PPP4R3A: variants seen among roughly 807,000 people sequenced by gnomAD.
The protein encoded by PPP4R3A is protein phosphatase 4 regulatory subunit 3A, also known as serine/threonine-protein phosphatase 4 regulatory subunit 3A.
In PPP4R3A, 15 loss-of-function variants were observed where a neutral mutation model predicts 91.7. The observed-to-expected ratio is 0.16, with a 90% CI of 0.11 to 0.25. The LOEUF is 0.25. Ranked by LOEUF, PPP4R3A falls within the 10% of genes least tolerant of loss-of-function variation. The pLI is 1.00. For synonymous variants in PPP4R3A, 377 were observed against 348.7 expected (o/e 1.08, Z -0.91); for missense variants, 623 against 998.4 (o/e 0.62, Z 5.07).
intron 3 of PPP4R3A, among the ~76,000 whole-genome samples, chr14:91,485,270 G>A (rs189258224): frequency 6.6e-6 from 1 of 152,306 alleles, no homozygotes; most frequent in Admixed American, 6.5e-5. Flanking sequence ...GATGATGGAA[G>A]GATAAACAAG....
intron 1 of PPP4R3A, among the ~76,000 whole-genome samples, chr14:91,507,339 A>G (rs953481629): frequency 3.5e-5 from 3 of 86,058 alleles, no homozygotes; most frequent in Admixed American, 1.4e-4. Flanking sequence ...AAATCTATAC[A>G]TATTATATAT....
At chr14:91,489,860 T>C (rs1393691907) in intron 2 of PPP4R3A, among the ~76,000 whole-genome samples, 1 of 152,214 alleles carries the variant, frequency 6.6e-6, no homozygotes, top group Non-Finnish European at 1.5e-5. Flanking sequence ...ACTAAATATA[T>C]TTAGGAGTTG....
intron 1 of PPP4R3A, among the ~76,000 whole-genome samples, chr14:91,491,470 C>T (rs769582142): frequency 8.5e-5 from 13 of 152,088 alleles, no homozygotes; most frequent in Non-Finnish European, 1.8e-4. Context: ...TGCAGTGGCG[C>T]GATCTCGGCT....
chr14:91,481,897 G>A lies in PPP4R3A; in HGVS notation c.594C>T (p.Gly198=). The part of the protein sequence containing the change: ...GLHHLYEIIK[G]IFLLNRTALF... ...GAGCAGTTCGATTCAAGAGAAAGAT[G>A]CCTTTGATAATTTCATACAAGTGGT... The change falls in exon 4 of 15, where the codon GGC becomes GGT. Residue 198 remains glycine, a synonymous_variant. Transcript: ENST00000554943. 2 of 1,614,006 alleles carry A rather than the reference G, an allele frequency of 1.2e-6. No individual in the cohort carries two copies. Among genetic ancestry groups the A allele is most frequent in the Non-Finnish European group, 1.7e-6 (2 of 1,180,004 alleles).
At chr14:91,475,570 C>A (rs1595061653) in intron 7 of PPP4R3A, 1 of 96,738 alleles carries the variant, frequency 1.0e-5, no homozygotes, top group Non-Finnish European at 1.7e-5. Flanking sequence ...AGAATTAAAA[C>A]AAAACAAAAC....
At position 91,507,437 on chromosome 14, in the gene PPP4R3A, A is replaced by ATATATACTATATAGTATATATACTATAAT. The variant is rs1891421938; in HGVS notation, c.142+2040_142+2068dup. Among the ~76,000 whole-genome samples, 3 of 130,478 alleles carry ATATATACTATATAGTATATATACTATAAT rather than the reference A, an allele frequency of 2.3e-5. No homozygotes were observed. The South Asian group carries it at 6.5e-4, about 28-fold the overall frequency. The allele number at this position is 130,478 out of a possible 152,430, so 85.6% of individuals were successfully genotyped here. ...ACTATATAATATATATACTATAATT[A>ATATATACTATATAGTATATATACTATAAT]TATATACTATATAGTATATATACTA... is the stretch of plus-strand genomic sequence containing the variant. On this transcript the variant is annotated intron_variant, in intron 1 of 14. Coordinates refer to ENST00000554943, the MANE Select transcript of PPP4R3A (RefSeq NM_001366432.2).
intron 1 of PPP4R3A, among the ~76,000 whole-genome samples, chr14:91,508,379 A>G (rs1374593243): frequency 6.6e-6 from 1 of 152,182 alleles, no homozygotes; most frequent in African/African-American, 2.4e-5. Flanking sequence ...AGTTCTGGGG[A>G]GAGTCCAATT....
chr14:91,458,942 G>A (rs1219802151), intron 14 of PPP4R3A, 73 bp from the exon 15 acceptor site: 5 of 1,477,978 alleles, frequency 3.4e-6, no homozygotes, highest in Non-Finnish European at 4.5e-6. Flanking sequence ...TCTGGCTGGA[G>A]AAAGAAAATA....
chr14:91,478,727 A>C (rs1319521069), intron 4 of PPP4R3A, among the ~76,000 whole-genome samples: 3 of 140,902 alleles, frequency 2.1e-5, no homozygotes, highest in African/African-American at 7.4e-5. Context: ...TCAGTATTTT[A>C]GTTCATACTT....
chr14:91,488,163 A>T (rs8008997), intron 2 of PPP4R3A, among the ~76,000 whole-genome samples: 74,307 of 151,246 alleles, frequency 0.49, 18,587 homozygotes, highest in Admixed American at 0.53. Context: ...AATAATAGCC[A>T]CTGTACTCCA....
chr14:91,476,444 T>C lies in PPP4R3A; in HGVS notation c.1074A>G (p.Ser358=), dbSNP rs761956108. Residue 358 remains serine (S), a synonymous_variant, in exon 6 of 15, where the codon TCA becomes TCG. Transcript: ENST00000554943. ...CTAAAGCTGGTAATATGCCCATGTT[T>C]GACAAAGTCTTGAAAAAAGCATCTC... ...QNRDAFFKTL[S]NMGILPALEV... 4.3e-6 allele frequency: 7 copies of C among 1,612,166 alleles called. No homozygotes were observed. The Admixed American group carries it at 8.4e-5, about 19-fold the overall frequency.
chr14:91,465,494 C>A, intron 10 of PPP4R3A, 75 bp from the exon 11 acceptor site: 1 of 1,361,400 alleles, frequency 7.3e-7, no homozygotes, highest in Non-Finnish European at 9.7e-7. Flanking sequence ...CAAAAATAAC[C>A]ATCAAACCAA....
At position 91,481,744 on chromosome 14, in the gene PPP4R3A, C is replaced by A. The variant is rs1205835531; in HGVS notation, c.747G>T (p.Val249=). ...FLTKTAKFKE[V]IPISDPELKQ... The stretch of plus-strand genomic sequence containing the variant: ...TCAGCTCAGGATCTGATATGGGAAT[C>A]ACTTCTTTAAACTTGGCTGTTTTTG... Residue 249 remains valine (V), a synonymous_variant, in exon 4 of 15, where the codon GTG becomes GTT. Coordinates refer to ENST00000554943, the MANE Select transcript of PPP4R3A (RefSeq NM_001366432.2). 1.2e-6 allele frequency: 2 copies of A among 1,613,930 alleles called. No homozygotes were observed. The highest frequency in any genetic ancestry group is 1.7e-6 in the Non-Finnish European group (2 of 1,180,018).
intron 1 of PPP4R3A, among the ~76,000 whole-genome samples, chr14:91,494,704 GAC>G (rs1045388983): frequency 6.6e-6 from 1 of 151,974 alleles, no homozygotes; most frequent in African/African-American, 2.4e-5. Flanking sequence ...CTCTACTAAA[GAC>G]ACACAAAAAA....
intron 4 of PPP4R3A, among the ~76,000 whole-genome samples, chr14:91,478,124 G>A (rs1398532830): frequency 2.0e-5 from 3 of 152,180 alleles, no homozygotes; most frequent in Non-Finnish European, 2.9e-5. Context: ...CACTAAGTTA[G>A]TTTGGTTATT....
chr14:91,477,192 T>C (rs1889267174), intron 4 of PPP4R3A, among the ~76,000 whole-genome samples: 1 of 151,460 alleles, frequency 6.6e-6, no homozygotes. Context: ...TAAGCCTATA[T>C]AAAGGCCAGG....
intron 14 of PPP4R3A, 29 bp from the exon 15 acceptor site, chr14:91,458,898 A>T: frequency 6.4e-7 from 1 of 1,557,356 alleles, no homozygotes; most frequent in Non-Finnish European, 8.7e-7. Context: ...TATTTAAAGA[A>T]CAGAAAATAA....
chr14:91,509,720 G>A lies in PPP4R3A; in HGVS notation c.-73C>T. On this transcript the variant is annotated 5_prime_UTR_variant, in exon 1 of 15. Coordinates refer to ENST00000554943, the MANE Select transcript of PPP4R3A (RefSeq NM_001366432.2). ...GAAAGGGGCCCTGGAGAGGCGAGGG[G>A]CGAGGCGTGAGGGCGCCCGCGAGCG... is the stretch of plus-strand genomic sequence containing the variant. The A allele has an allele frequency of 1.4e-6, 2 of 1,472,000 alleles. No homozygotes were observed. Among genetic ancestry groups the A allele is most frequent in the Admixed American group, 2.4e-5 (1 of 41,680 alleles). 91.2% of individuals were successfully genotyped at this position (1,472,000 alleles called of 1,614,324 possible). A position where few individuals can be genotyped will look rare whatever the true frequency, so the allele number is the denominator to read the frequency against.
chr14:91,493,568 A>G (rs1890358551), intron 1 of PPP4R3A, among the ~76,000 whole-genome samples: 1 of 150,298 alleles, frequency 6.7e-6, no homozygotes, highest in Non-Finnish European at 1.5e-5. Context: ...TCGAGATGGG[A>G]GGATTGCTTG....
Sources: allele counts gnomAD v4.1 joint callset (sites outside exome capture counted in the v4.1 genomes callset), GRCh38; gene constraint gnomAD v4.1.1; transcripts MANE v1.5; gene names NCBI Gene and HGNC (gene_info 2026-07-23, HGNC 2026-07-21).